Variants in MYCBP2 observed in about 807,000 individuals in gnomAD.
MYCBP2 encodes E3 ubiquitin-protein ligase MYCBP2.
Under a neutral mutation model 525.3 loss-of-function variants are expected in MYCBP2, and 120 were observed. The observed-to-expected ratio is 0.23, with a 90% CI of 0.20 to 0.27. The LOEUF is 0.27. Among genes scored for constraint, MYCBP2 ranks in the 10% least tolerant of loss-of-function variants. The pLI is 1.00. For missense variants in MYCBP2, 4,149 were observed against 5,657.1 expected (o/e 0.73, Z 8.55); for synonymous variants, 1,894 against 1,955.8 (o/e 0.97, Z 0.83).
At chr13:77,237,576 T>C (rs905449004) in intron 17 of MYCBP2, among the ~76,000 whole-genome samples, 6 of 152,266 alleles carry the variant, frequency 3.9e-5, no homozygotes, top group African/African-American at 7.2e-5. Context: ...AAAACAATAA[T>C]TGAATTAAGG....
chr13:77,134,690 C>T (rs2053467256), intron 52 of MYCBP2, among the ~76,000 whole-genome samples: 1 of 151,956 alleles, frequency 6.6e-6, no homozygotes, highest in Non-Finnish European at 1.5e-5. Flanking sequence ...TCTATCTTTC[C>T]CATTGACTTA....
chr13:77,293,523 C>T (rs528573586), intron 2 of MYCBP2, among the ~76,000 whole-genome samples: 2 of 152,244 alleles, frequency 1.3e-5, no homozygotes, highest in South Asian at 2.1e-4. Flanking sequence ...AACTTCTATA[C>T]CCTAATTCCC....
chr13:77,203,617 G>A (rs1279105225), intron 26 of MYCBP2, among the ~76,000 whole-genome samples: 1 of 152,190 alleles, frequency 6.6e-6, no homozygotes, highest in Non-Finnish European at 1.5e-5. Context: ...AACAAAGCTG[G>A]AGGCATCACA....
intron 55 of MYCBP2, among the ~76,000 whole-genome samples, chr13:77,116,133 C>G (rs926541557): frequency 2.6e-5 from 4 of 151,870 alleles, no homozygotes; most frequent in African/African-American, 9.7e-5. Flanking sequence ...GAGACAGTAT[C>G]TCAAATGAGG....
chr13:77,259,084 G>A (rs148124113), intron 13 of MYCBP2, among the ~76,000 whole-genome samples: 8 of 151,960 alleles, frequency 5.3e-5, no homozygotes, highest in African/African-American at 9.7e-5. Flanking sequence ...GTGAAACCTC[G>A]TCTCTACTAA....
chr13:77,137,422 A>G (rs2154179686), intron 52 of MYCBP2, among the ~76,000 whole-genome samples: 1 of 152,324 alleles, frequency 6.6e-6, no homozygotes, highest in East Asian at 1.9e-4. Context: ...AATCTGGAAT[A>G]ACATTTTATT....
At chr13:77,289,757 T>C (rs1184423456) in intron 2 of MYCBP2, among the ~76,000 whole-genome samples, 2 of 152,006 alleles carry the variant, frequency 1.3e-5, no homozygotes, top group Non-Finnish European at 2.9e-5. Context: ...AAAAGAAATG[T>C]TTTTACTTGT....
At chr13:77,131,489 CACACACACACACACACACACACAAACAA>C (rs1402309951) in intron 52 of MYCBP2, among the ~76,000 whole-genome samples, 7 of 88,542 alleles carry the variant, frequency 7.9e-5, no homozygotes, top group African/African-American at 2.3e-4. Flanking sequence ...TCATCTCAAA[CACACACACACACACACACACACAAACAA>C]ACACACACAC....
intron 24 of MYCBP2, among the ~76,000 whole-genome samples, chr13:77,206,144 GAT>G (rs2063309843): frequency 6.6e-6 from 1 of 151,860 alleles, no homozygotes; most frequent in African/African-American, 2.4e-5. Flanking sequence ...TACATAGAGT[GAT>G]ATAAAATTTC....
intron 47 of MYCBP2, among the ~76,000 whole-genome samples, chr13:77,149,876 T>C (rs1417171600): frequency 6.6e-6 from 1 of 152,150 alleles, no homozygotes; most frequent in Non-Finnish European, 1.5e-5. Context: ...CCAAATTAAG[T>C]CAATAGTCCC....
intron 7 of MYCBP2, among the ~76,000 whole-genome samples, chr13:77,269,764 G>C (rs1442763091): frequency 2.6e-5 from 4 of 152,108 alleles, no homozygotes; most frequent in East Asian, 1.9e-4. Context: ...AGTTAACTGA[G>C]TTGTCCAGTC....
intron 26 of MYCBP2, among the ~76,000 whole-genome samples, chr13:77,198,296 A>G (rs1350610265): frequency 6.6e-6 from 1 of 152,218 alleles, no homozygotes; most frequent in Non-Finnish European, 1.5e-5. Flanking sequence ...TCATTCTTAC[A>G]TTATCTGCTT....
At chr13:77,071,308 C>CACACACA (rs1353650851) in intron 68 of MYCBP2, among the ~76,000 whole-genome samples, 4 of 147,740 alleles carry the variant, frequency 2.7e-5, no homozygotes, top group Non-Finnish European at 4.5e-5. Flanking sequence ...CACACACACA[C>CACACACA]AAATCTTATC....
At position 77,191,591 on chromosome 13, in the gene MYCBP2, A is replaced by G. The variant is rs185595653; in HGVS notation, c.4070+88T>C. 9.1e-4 allele frequency: 1,327 copies of G among 1,462,016 alleles called. 9 individuals carry two copies. In the African/African-American group the frequency reaches 0.015, roughly 17 times the overall value. The allele number at this position is 1,462,016 out of a possible 1,614,324, so 90.6% of individuals were successfully genotyped here. On this transcript the variant is annotated intron_variant, in intron 28 of 82. Transcript: ENST00000544440. The stretch of plus-strand genomic sequence containing the variant: ...TGCTCTAGTCTTCCTAAGCTTTTGA[A>G]TCCTGCTGAAAGTACTCTGAATTTT...
chr13:77,125,104 A>C (rs546931328), intron 54 of MYCBP2, among the ~76,000 whole-genome samples: 8 of 152,348 alleles, frequency 5.3e-5, no homozygotes, highest in East Asian at 1.9e-4. Flanking sequence ...TGTTTTATAA[A>C]GATGAGTCTA....
At chr13:77,196,744 T>C (rs537904844) in intron 26 of MYCBP2, among the ~76,000 whole-genome samples, 26 of 152,036 alleles carry the variant, frequency 1.7e-4, no homozygotes, top group African/African-American at 5.3e-4. Context: ...ATCAGAAGCA[T>C]AGTATTGAAT....
At position 77,281,305 on chromosome 13, in the gene MYCBP2, A is replaced by T. The variant is rs556062484; in HGVS notation, c.595-2394T>A. Among the ~76,000 whole-genome samples the T allele has an allele frequency of 3.3e-5, 5 of 152,338 alleles. No homozygotes were observed. The South Asian group carries it at 1.0e-3, about 32-fold the overall frequency. ...TTTATATTGGGGTATATTTTGGTTA[A>T]TGGTATTTCAAATATTACTTCCGAT... On this transcript the variant is annotated intron_variant, in intron 3 of 82. Transcript: ENST00000544440.
chr13:77,264,355 C>A (rs574776843), intron 8 of MYCBP2, among the ~76,000 whole-genome samples: 1 of 152,144 alleles, frequency 6.6e-6, no homozygotes, highest in East Asian at 1.9e-4. Flanking sequence ...GGAGGCAACA[C>A]TCTACTCTCA....
At chr13:77,146,758 G>A (rs2055647804) in intron 47 of MYCBP2, among the ~76,000 whole-genome samples, 1 of 152,152 alleles carries the variant, frequency 6.6e-6, no homozygotes. Context: ...ATCAAATTGT[G>A]TTGGTAAGAA....
Sources: gnomAD v4.1 joint callset for allele counts (sites outside exome capture counted in the v4.1 genomes callset) on GRCh38, gnomAD v4.1.1 for gene constraint, MANE v1.5 for transcripts, NCBI Gene and HGNC (gene_info 2026-07-23, HGNC 2026-07-21) for gene names.